TRDN: variants seen among roughly 807,000 people sequenced by gnomAD.
TRDN encodes the protein triadin, also known as triadin in skeletal muscle.
TRDN carries 161 observed loss-of-function variants against 149.7 expected under a neutral mutation model. The observed-to-expected ratio is 1.08, with a 90% CI of 0.95 to 1.23. The LOEUF is 1.23. TRDN is among the 50% of genes most tolerant of loss of function. The probability of loss-of-function intolerance (pLI) is 0.00; values close to 1 mark genes in which losing one functional copy is unlikely to be tolerated. For synonymous variants in TRDN, 294 were observed against 250.5 expected (o/e 1.17, Z -1.64); for missense variants, 896 against 823.5 (o/e 1.09, Z -1.08).
chr6:123,238,928 C>T (rs892592146), intron 38 of TRDN, among the ~76,000 whole-genome samples: 1 of 152,150 alleles, frequency 6.6e-6, no homozygotes, highest in Non-Finnish European at 1.5e-5. Flanking sequence ...GCAAACTCCA[C>T]CTCCTGGGTT....
intron 23 of TRDN, among the ~76,000 whole-genome samples, chr6:123,321,236 T>C (rs1328259761): frequency 6.6e-6 from 1 of 152,106 alleles, no homozygotes. Flanking sequence ...GCTGTGAAAA[T>C]TAAACACTAC....
intron 38 of TRDN, among the ~76,000 whole-genome samples, chr6:123,239,002 C>T (rs961478857): frequency 4.6e-5 from 7 of 151,902 alleles, no homozygotes; most frequent in Non-Finnish European, 5.9e-5. Flanking sequence ...CACCACGCCA[C>T]GCTAATTTTT....
Position 123,265,319 on chromosome 6 carries a change from T to C in TRDN, c.1803A>G (p.Pro601=). The change falls in exon 33 of 41, where the codon CCA becomes CCG. Residue 601 remains proline, a splice_region_variant and synonymous_variant. Transcript: ENST00000334268. ...AAAATTCTAAAATGGTACACTTACTTGGAGTTGGTTTTGGTTTGTCTAAAA... is the reference window on the plus strand; with the variant it reads ...AAAATTCTAAAATGGTACACTTACTCGGAGTTGGTTTTGGTTTGTCTAAAA... The part of the protein sequence containing the change: ...SIKTDKPKPT[P]KGTSEVTESG... 1 of 1,421,190 alleles carries C rather than the reference T, an allele frequency of 7.0e-7. No homozygotes were observed. The allele number at this position is 1,421,190 out of a possible 1,614,324, so 88.0% of individuals were successfully genotyped here. A position where few individuals can be genotyped will look rare whatever the true frequency, so the allele number is the denominator to read the frequency against.
intron 24 of TRDN, among the ~76,000 whole-genome samples, chr6:123,313,007 A>C (rs1331182413): frequency 1.3e-5 from 2 of 152,018 alleles, no homozygotes; most frequent in African/African-American, 4.8e-5. Context: ...TTTATCTTTC[A>C]TAATAGGAAA....
intron 8 of TRDN, 46 bp downstream of exon 8, chr6:123,503,673 A>G: frequency 1.3e-5 from 21 of 1,611,022 alleles, no homozygotes; most frequent in Non-Finnish European, 1.8e-5. Flanking sequence ...CTTCTTGCCC[A>G]ATATTCTCTT....
intron 19 of TRDN, among the ~76,000 whole-genome samples, chr6:123,374,013 T>C (rs532397725): frequency 1.5e-3 from 222 of 152,328 alleles, no homozygotes; most frequent in Non-Finnish European, 2.2e-3. Flanking sequence ...AAATGGCTGG[T>C]CACCTTGTTA....
chr6:123,366,661 C>T (rs994745373), intron 19 of TRDN, among the ~76,000 whole-genome samples: 7 of 151,908 alleles, frequency 4.6e-5, no homozygotes, highest in African/African-American at 1.2e-4. Context: ...GGGACTACAA[C>T]CGCCCGCCAC....
At chr6:123,224,044 T>C in intron 39 of TRDN, 49 bp downstream of exon 39, 1 of 1,568,040 alleles carries the variant, frequency 6.4e-7, no homozygotes, top group Non-Finnish European at 8.7e-7. Flanking sequence ...ACAAAAACCT[T>C]ATAGCTTTGA....
intron 38 of TRDN, among the ~76,000 whole-genome samples, chr6:123,227,751 T>TTG (rs1554214777): frequency 8.5e-6 from 1 of 117,110 alleles, no homozygotes; most frequent in Non-Finnish European, 2.0e-5. Context: ...GTTTGTTTGT[T>TTG]TTTGTTTGTT....
chr6:123,293,982 T>A (rs772304996), intron 24 of TRDN, among the ~76,000 whole-genome samples: 8 of 152,118 alleles, frequency 5.3e-5, no homozygotes, highest in Non-Finnish European at 1.0e-4. Flanking sequence ...TTGTCTACCA[T>A]AAGTCAATCC....
intron 4 of TRDN, among the ~76,000 whole-genome samples, chr6:123,531,282 A>G (rs923759946): frequency 1.9e-4 from 29 of 152,060 alleles, no homozygotes; most frequent in African/African-American, 7.0e-4. Flanking sequence ...TACCTTTGAA[A>G]AGTGACTTAA....
intron 38 of TRDN, among the ~76,000 whole-genome samples, chr6:123,228,799 G>A (rs540608394): frequency 1.3e-5 from 2 of 151,856 alleles, no homozygotes; most frequent in African/African-American, 4.8e-5. Context: ...ACAGAGTCAA[G>A]TTATGCATGA....
chr6:123,540,153 C>T (rs1381663663), intron 4 of TRDN, among the ~76,000 whole-genome samples: 1 of 152,144 alleles, frequency 6.6e-6, no homozygotes, highest in Non-Finnish European at 1.5e-5. Flanking sequence ...ATTTCATAGG[C>T]CTTGATAAAG....
At chr6:123,454,139 GA>G (rs1428346802) in intron 10 of TRDN, among the ~76,000 whole-genome samples, 1 of 151,916 alleles carries the variant, frequency 6.6e-6, no homozygotes, top group Admixed American at 6.6e-5. Context: ...GGAAGAGTGG[GA>G]GGGGGACGAG....
intron 1 of TRDN, among the ~76,000 whole-genome samples, chr6:123,629,959 A>C (rs2114737669): frequency 6.6e-6 from 1 of 152,212 alleles, no homozygotes; most frequent in Non-Finnish European, 1.5e-5. Flanking sequence ...ATATATATTT[A>C]CATGACAATC....
At chr6:123,381,566 G>A (rs1247681584) in intron 15 of TRDN, among the ~76,000 whole-genome samples, 176 bp from the exon 16 acceptor site, 3 of 151,940 alleles carry the variant, frequency 2.0e-5, no homozygotes, top group Admixed American at 1.3e-4. Context: ...ATTACTGTAG[G>A]TGCTTCCATA....
intron 24 of TRDN, among the ~76,000 whole-genome samples, chr6:123,306,933 C>T (rs769975587): frequency 5.9e-5 from 9 of 151,904 alleles, no homozygotes; most frequent in Non-Finnish European, 1.3e-4. Context: ...ATATGCTATG[C>T]TAAAAATAAA....
chr6:123,491,342 T>C (rs562040707), intron 9 of TRDN, among the ~76,000 whole-genome samples: 3 of 152,296 alleles, frequency 2.0e-5, no homozygotes, highest in African/African-American at 7.2e-5. Flanking sequence ...ATCTGCAAGA[T>C]GAATACACTG....
intron 23 of TRDN, among the ~76,000 whole-genome samples, chr6:123,325,566 A>G (rs1779413980): frequency 6.6e-6 from 1 of 152,128 alleles, no homozygotes; most frequent in Non-Finnish European, 1.5e-5. Context: ...ATATAGATTA[A>G]TTGAATCTTC....
Sources: gnomAD v4.1 joint callset for allele counts (sites outside exome capture counted in the v4.1 genomes callset) on GRCh38, gnomAD v4.1.1 for gene constraint, MANE v1.5 for transcripts, NCBI Gene and HGNC (gene_info 2026-07-23, HGNC 2026-07-21) for gene names.